ZNF217: variants seen among roughly 807,000 people sequenced by gnomAD.
The protein encoded by ZNF217 is zinc finger protein 217.
A neutral mutation model predicts 73.3 loss-of-function variants in ZNF217; 12 were observed. The observed-to-expected ratio is 0.16, with a 90% CI of 0.10 to 0.27. The LOEUF (loss-of-function observed/expected upper bound fraction) is 0.27. Among genes scored for constraint, ZNF217 ranks in the 10% least tolerant of loss-of-function variants. The probability of loss-of-function intolerance (pLI) is 1.00; values close to 1 mark genes in which losing one functional copy is unlikely to be tolerated. For synonymous variants in ZNF217, 588 were observed against 516.4 expected, an observed-to-expected ratio of 1.14 and a Z score of -1.88; for missense variants, 1,195 against 1,327.8, an observed-to-expected ratio of 0.90 and a Z score of 1.55.
In ZNF217 at chr20:53,571,503, C is replaced by G. The variant is rs542358783; in HGVS notation, c.*23+218G>C. 2.7e-5 allele frequency among the ~76,000 whole-genome samples: 4 copies of G among 148,102 alleles called. No individual in the cohort carries two copies. In the East Asian group the frequency reaches 6.1e-4, roughly 23 times the overall value. ...TGCAACCTCCGCCTCCTGGGTTGTT[C>G]AAGTGATTTTCCTGCTTCAGCCTCC... On this transcript the variant is annotated intron_variant, in intron 5 of 5. Transcript: ENST00000371471.
chr20:53,578,386 T>C lies in ZNF217; in HGVS notation c.1431A>G (p.Gly477=). ...GGTAATAATTTGAACGGAAAAACTT[T>C]CCACAATAACTACACTCTCTTGAAG... The part of the protein sequence containing the change: ...LTSSRECSYC[G]KFFRSNYYLN... Residue 477 remains glycine, a synonymous_variant, in exon 3 of 6, where the codon GGA becomes GGG. Transcript: ENST00000371471. 1 of 1,599,506 alleles carries C rather than the reference T, an allele frequency of 6.3e-7. No homozygotes were observed.
At position 53,576,524 on chromosome 20, in the gene ZNF217, G is replaced by A. The variant is rs144638963; in HGVS notation, c.2240C>T (p.Ser747Phe). 3.1e-6 allele frequency: 5 copies of A among 1,614,086 alleles called. No homozygotes were observed. Among genetic ancestry groups the A allele is most frequent in the African/African-American group, 1.3e-5 (1 of 74,940 alleles). ...TCCGGTACGTCGACTTCTAAGCAAG[G>A]ACTTGTTTCGACAGTTTTTATGAAC... is the stretch of plus-strand genomic sequence containing the variant. ...PDVHKNCRNK[S>F]LLRSRRTGCP... Residue 747 changes from serine to phenylalanine, a missense_variant, in exon 4 of 6, where the codon TCC becomes TTC. By Grantham distance (155) the Ser-to-Phe change is radical. Around this residue, in one of 9 missense-constraint regions of ZNF217, gnomAD observed 649 missense variants for 642.8 expected, o/e 1.01. Transcript: ENST00000371471.
chr20:53,569,296 G>T, intron 5 of ZNF217, 32 bp from the exon 6 acceptor site: 1 of 1,263,956 alleles, frequency 7.9e-7, no homozygotes, highest in Non-Finnish European at 1.0e-6. Flanking sequence ...AAATGATTAA[G>T]ATCAAAACTG....
At chr20:53,593,502 C>G (rs1988956964) in intron 1 of ZNF217, among the ~76,000 whole-genome samples, 1 of 147,614 alleles carries the variant, frequency 6.8e-6, no homozygotes, top group South Asian at 2.3e-4. Flanking sequence ...CCCTCTGAAT[C>G]GTGCGGCGTG....
chr20:53,597,637 G>A (rs1009436557), upstream of ZNF217: 1 of 151,214 alleles, frequency 6.6e-6, no homozygotes, highest in African/African-American at 2.4e-5. Flanking sequence ...TTACCTTTCA[G>A]AAGAGAAGGC....
chr20:53,594,366 GCCCGGCCACGCCCCACACCGC>G (rs1383315842), upstream of ZNF217, among the ~76,000 whole-genome samples: 4 of 114,796 alleles, frequency 3.5e-5, no homozygotes, highest in Non-Finnish European at 7.2e-5. Flanking sequence ...TTCACCGGCC[GCCCGGCCACGCCCCACACCGC>G]CCCGGCCCCG....
At chr20:53,578,694 A>T (rs969759995) in intron 2 of ZNF217, among the ~76,000 whole-genome samples, 1 of 152,184 alleles carries the variant, frequency 6.6e-6, no homozygotes, top group Non-Finnish European at 1.5e-5. Context: ...GTACACTATT[A>T]AACATTCAGT....
chr20:53,594,719 G>A (rs1011447253), upstream of ZNF217, among the ~76,000 whole-genome samples: 6 of 152,136 alleles, frequency 3.9e-5, no homozygotes, highest in African/African-American at 1.4e-4. Flanking sequence ...CAAGGTGTGC[G>A]CGGGCGAGGG....
chr20:53,592,114 G>A (rs377355693), intron 1 of ZNF217, among the ~76,000 whole-genome samples: 1 of 152,134 alleles, frequency 6.6e-6, no homozygotes, highest in African/African-American at 2.4e-5. Context: ...ATCAGACCTA[G>A]GCTTCTTAAA....
In ZNF217 at chr20:53,585,095, GAAAAAAAAAA is replaced by G. The variant is rs748460021; in HGVS notation, c.-342-1937_-342-1928del. ...CAAAATCAAAGTTCAGTGAGAATTT[GAAAAAAAAAA>G]AAAAAAAAAAAAACTAAGTTAGTCC... On this transcript the variant is annotated intron_variant, in intron 1 of 5. Transcript: ENST00000371471. 1.5e-4 allele frequency among the ~76,000 whole-genome samples: 7 copies of G among 46,960 alleles called. 1 individual carries two copies. In the South Asian group the frequency reaches 4.8e-3, roughly 33 times the overall value. 30.8% of individuals were successfully genotyped at this position (46,960 alleles called of 152,430 possible). A position where few individuals can be genotyped will look rare whatever the true frequency, so the allele number is the denominator to read the frequency against.
chr20:53,588,439 G>A (rs1207698782), intron 1 of ZNF217, among the ~76,000 whole-genome samples: 1 of 151,618 alleles, frequency 6.6e-6, no homozygotes, highest in Non-Finnish European at 1.5e-5. Context: ...TACTTAACCA[G>A]TACAACCTTA....
In ZNF217 at chr20:53,576,717, G is replaced by C; in HGVS notation, c.2047C>G (p.His683Asp). ...ACGGATAAATTTAAAGGTTTTTCGT[G>C]ACAATCCACACTTGGCCTGTATCTG... Reference protein sequence around the residue: ...DCRYRPSVDCHEKPLNLSVGA... With the variant: ...DCRYRPSVDCDEKPLNLSVGA... Residue 683 changes from histidine (H) to aspartate (D), a missense_variant, in exon 4 of 6, where the codon CAC becomes GAC. Coordinates refer to ENST00000371471, the MANE Select transcript of ZNF217 (RefSeq NM_006526.3). The C allele has an allele frequency of 6.2e-7, 1 of 1,614,164 alleles. No homozygotes were observed. The highest frequency in any genetic ancestry group is 8.5e-7 in the Non-Finnish European group (1 of 1,180,032).
intron 1 of ZNF217, among the ~76,000 whole-genome samples, chr20:53,591,031 G>A (rs947201451): frequency 3.3e-5 from 5 of 151,360 alleles, no homozygotes; most frequent in Non-Finnish European, 5.9e-5. Flanking sequence ...AACCTTCACT[G>A]CTCCTCCTTC....
At chr20:53,588,794 C>T (rs1427648301) in intron 1 of ZNF217, among the ~76,000 whole-genome samples, 1 of 152,184 alleles carries the variant, frequency 6.6e-6, no homozygotes, top group Non-Finnish European at 1.5e-5. Flanking sequence ...ATTCCCCTCC[C>T]CATCCTATCT....
intron 5 of ZNF217, among the ~76,000 whole-genome samples, chr20:53,570,956 A>G (rs1987971179): frequency 6.6e-6 from 1 of 152,146 alleles, no homozygotes. Flanking sequence ...TGGGTCACAA[A>G]CTTTTTCTGT....
At chr20:53,596,650 G>A (rs1402097440), upstream of ZNF217, among the ~76,000 whole-genome samples, 1 of 152,128 alleles carries the variant, frequency 6.6e-6, no homozygotes, top group Non-Finnish European at 1.5e-5. Flanking sequence ...TGTAATAAAA[G>A]CTAGGAACTC....
chr20:53,579,336 G>A (rs1988400145), intron 2 of ZNF217, among the ~76,000 whole-genome samples: 1 of 152,012 alleles, frequency 6.6e-6, no homozygotes, highest in Non-Finnish European at 1.5e-5. Context: ...CTATCCACCT[G>A]TAAGACAGAC....
intron 5 of ZNF217, chr20:53,570,216 T>G (rs200639603): frequency 1.1e-4 from 17 of 152,674 alleles, no homozygotes; most frequent in Non-Finnish European, 2.2e-4. Flanking sequence ...CTGGATCTTA[T>G]TCCTGTGATG....
intron 4 of ZNF217, chr20:53,572,923 A>G (rs1328567609): frequency 6.6e-6 from 1 of 152,214 alleles, no homozygotes; most frequent in African/African-American, 2.4e-5. Context: ...AACCCCAGTC[A>G]TCTATGAGGT....
Sources: allele counts gnomAD v4.1 joint callset (sites outside exome capture counted in the v4.1 genomes callset), GRCh38; gene constraint gnomAD v4.1.1; regional missense constraint gnomAD v4.1.1; transcripts MANE v1.5; gene names NCBI Gene and HGNC (gene_info 2026-07-23, HGNC 2026-07-21).